The following COL19A1 variants were observed in gnomAD, a reference collection of about 807,000 sequenced individuals.
The protein encoded by COL19A1 is collagen type XIX alpha 1 chain.
A neutral mutation model predicts 190.2 loss-of-function variants in COL19A1; 159 were observed. The ratio of observed to expected loss-of-function variants is 0.84; its 90% CI spans 0.73 to 0.95. COL19A1 has a LOEUF of 0.95. Ranked by LOEUF, COL19A1 falls within the 40% of genes least tolerant of loss-of-function variation. The probability of loss-of-function intolerance (pLI) is 0.00; values close to 1 mark genes in which losing one functional copy is unlikely to be tolerated. For missense variants in COL19A1, 1,418 were observed against 1,431.9 expected (o/e 0.99, Z 0.16); for synonymous variants, 509 against 458.9 (o/e 1.11, Z -1.39).
chr6:69,928,241 T>C (rs1582432223), intron 5 of COL19A1, among the ~76,000 whole-genome samples: 1 of 151,962 alleles, frequency 6.6e-6, no homozygotes, highest in Non-Finnish European at 1.5e-5. Context: ...GTAAACATAG[T>C]GTTAGTTTTT....
intron 15 of COL19A1, among the ~76,000 whole-genome samples, chr6:70,083,420 T>A (rs1171578014): frequency 1.3e-5 from 2 of 152,236 alleles, no homozygotes; most frequent in African/African-American, 4.8e-5. Context: ...ACACTGGAAT[T>A]TATACTTCAT....
intron 31 of COL19A1, among the ~76,000 whole-genome samples, chr6:70,155,586 G>A (rs1787381151): frequency 1.3e-5 from 2 of 152,306 alleles, no homozygotes; most frequent in South Asian, 4.1e-4. Flanking sequence ...GTTTATGTCA[G>A]TCAAGTAATT....
intron 16 of COL19A1, among the ~76,000 whole-genome samples, chr6:70,119,879 T>C (rs1784785400): frequency 1.3e-5 from 2 of 152,146 alleles, no homozygotes; most frequent in African/African-American, 4.8e-5. Context: ...TCACTTGAGG[T>C]CAGGAGTTCA....
At chr6:70,086,885 A>G (rs1444331923) in intron 15 of COL19A1, among the ~76,000 whole-genome samples, 2 of 152,214 alleles carry the variant, frequency 1.3e-5, no homozygotes, top group Non-Finnish European at 2.9e-5. Context: ...ATATTTATTG[A>G]GCACCTATTG....
intron 9 of COL19A1, among the ~76,000 whole-genome samples, chr6:69,944,355 A>G (rs1270371311): frequency 6.6e-6 from 1 of 152,144 alleles, no homozygotes; most frequent in African/African-American, 2.4e-5. Flanking sequence ...AATAGGAGCT[A>G]AAAATATGCT....
intron 14 of COL19A1, among the ~76,000 whole-genome samples, chr6:70,067,327 G>C (rs185233138): frequency 6.6e-6 from 1 of 152,088 alleles, no homozygotes; most frequent in East Asian, 1.9e-4. Context: ...TGTAGATAAA[G>C]CCAACAAGAT....
At chr6:69,984,425 C>T (rs1053792745) in intron 11 of COL19A1, among the ~76,000 whole-genome samples, 5 of 152,078 alleles carry the variant, frequency 3.3e-5, no homozygotes, top group African/African-American at 1.2e-4. Flanking sequence ...TAACACCTCA[C>T]TACAAAAGAT....
chr6:70,156,584 C>A, intron 33 of COL19A1, 86 bp from the exon 34 acceptor site: 1 of 1,426,110 alleles, frequency 7.0e-7, no homozygotes, highest in Non-Finnish European at 9.7e-7. Context: ...ATTACATGCC[C>A]CAAGTGTTCT....
chr6:70,115,296 G>A (rs927454466), intron 16 of COL19A1, among the ~76,000 whole-genome samples: 2 of 152,168 alleles, frequency 1.3e-5, no homozygotes, highest in Non-Finnish European at 2.9e-5. Flanking sequence ...CATTCATGTG[G>A]TTTGGGGAAA....
intron 11 of COL19A1, among the ~76,000 whole-genome samples, chr6:69,972,531 A>C (rs939945292): frequency 7.2e-5 from 11 of 152,234 alleles, no homozygotes; most frequent in African/African-American, 2.7e-4. Flanking sequence ...AGCCTCCAGA[A>C]GTATTTAATA....
intron 14 of COL19A1, among the ~76,000 whole-genome samples, chr6:70,049,752 ATAAAT>A (rs1177126329): frequency 6.6e-6 from 1 of 152,070 alleles, no homozygotes; most frequent in African/African-American, 2.4e-5. Flanking sequence ...ATCTAGAAAA[ATAAAT>A]TAAAATGTAT....
intron 9 of COL19A1, among the ~76,000 whole-genome samples, chr6:69,941,892 G>A (rs113365760): frequency 1.3e-5 from 2 of 152,068 alleles, no homozygotes; most frequent in African/African-American, 2.4e-5. Flanking sequence ...GTTTCACCAT[G>A]TTGACCAGGC....
intron 19 of COL19A1, among the ~76,000 whole-genome samples, chr6:70,140,199 A>G (rs1212857600): frequency 2.0e-5 from 3 of 152,036 alleles, no homozygotes; most frequent in Non-Finnish European, 4.4e-5. Context: ...GAGGATGCTC[A>G]AGTCCCTAAT....
chr6:70,096,262 T>TG (rs1271022046), intron 15 of COL19A1, among the ~76,000 whole-genome samples: 6 of 114,350 alleles, frequency 5.2e-5, no homozygotes, highest in African/African-American at 2.2e-4. Context: ...CTAATTTTTG[T>TG]ATTTTTTTTT....
chr6:70,031,716 A>G (rs1422861543), intron 12 of COL19A1, among the ~76,000 whole-genome samples: 1 of 152,166 alleles, frequency 6.6e-6, no homozygotes. Flanking sequence ...CTGTTGATGG[A>G]CACAGAATGA....
rs145155466 is a variant in COL19A1, at chr6:69,976,820, A to G, written c.1026+13950A>G. On this transcript the variant is annotated intron_variant, in intron 11 of 50. Coordinates refer to ENST00000620364, the MANE Select transcript of COL19A1 (RefSeq NM_001858.6). ...GTTTCAGGCAAAACACTCAAGGGAG[A>G]CAATTGCCAGGAAATAACATCAAGA... 1.9e-4 allele frequency among the ~76,000 whole-genome samples: 29 copies of G among 152,326 alleles called. No homozygotes were observed. In the East Asian group the frequency reaches 5.2e-3, roughly 27 times the overall value.
At chr6:69,908,756 C>T (rs1017449605) in intron 4 of COL19A1, among the ~76,000 whole-genome samples, 2 of 152,076 alleles carry the variant, frequency 1.3e-5, no homozygotes, top group Non-Finnish European at 2.9e-5. Flanking sequence ...TTTCATATAA[C>T]TCAGTATTGG....
At chr6:70,173,191 TAGAC>T (rs1300183725) in intron 41 of COL19A1, among the ~76,000 whole-genome samples, 1 of 152,218 alleles carries the variant, frequency 6.6e-6, no homozygotes, top group African/African-American at 2.4e-5. Flanking sequence ...AGATATCTGT[TAGAC>T]AGCAAAGTGA....
Position 70,046,884 on chromosome 6 carries a change from A to G in COL19A1, c.1170+10945A>G, listed in dbSNP as rs561351495. 3.2e-3 allele frequency among the ~76,000 whole-genome samples: 482 copies of G among 152,310 alleles called. 5 individuals carry two copies. Among genetic ancestry groups the G allele is most frequent in the African/African-American group, 0.011 (461 of 41,584 alleles). ...ATACAGTCAAATAATGCAGTGATTC[A>G]GCTGAAATTCTCTAAGCAACTGGGT... On this transcript the variant is annotated intron_variant, in intron 14 of 50. Transcript: ENST00000620364.
Sources: gnomAD v4.1 joint callset for allele counts (sites outside exome capture counted in the v4.1 genomes callset) on GRCh38, gnomAD v4.1.1 for gene constraint, MANE v1.5 for transcripts, NCBI Gene and HGNC (gene_info 2026-07-23, HGNC 2026-07-21) for gene names.